The following EML6 variants were observed in gnomAD, a reference collection of about 807,000 sequenced individuals.
EML6 encodes the protein EMAP like 6, also known as echinoderm microtubule-associated protein-like 6.
EML6 carries 154 observed loss-of-function variants against 240.1 expected under a neutral mutation model. The ratio of observed to expected loss-of-function variants is 0.64; its 90% CI spans 0.56 to 0.73. EML6 has a LOEUF of 0.73. Ranked by LOEUF, EML6 falls within the 30% of genes least tolerant of loss-of-function variation. EML6 has a pLI of 0.00. For missense variants in EML6, 2,964 were observed against 2,474.6 expected, an observed-to-expected ratio of 1.20 and a Z score of -4.20; for synonymous variants, 1,148 against 899.0, an observed-to-expected ratio of 1.28 and a Z score of -4.95.
intron 25 of EML6, among the ~76,000 whole-genome samples, chr2:54,914,027 A>G (rs1673776719): frequency 6.6e-6 from 1 of 152,146 alleles, no homozygotes; most frequent in South Asian, 2.1e-4. Context: ...TTTTTATACC[A>G]GTACCAGTCT....
intron 21 of EML6, 48 bp from the exon 22 acceptor site, chr2:54,899,593 C>G (rs6545455): frequency 0.12 from 187,001 of 1,525,352 alleles, 13,759 homozygotes; most frequent in African/African-American, 0.31. Flanking sequence ...GAAGGGCTAG[C>G]CAAACAGCAT....
chr2:54,823,880 C>T (rs1408592340), intron 5 of EML6, among the ~76,000 whole-genome samples: 2 of 148,948 alleles, frequency 1.3e-5, no homozygotes, highest in Non-Finnish European at 3.0e-5. Context: ...CTCTCTCTTT[C>T]TGTCTCTCTC....
At chr2:54,807,272 A>T (rs1487775424) in intron 2 of EML6, among the ~76,000 whole-genome samples, 1 of 152,224 alleles carries the variant, frequency 6.6e-6, no homozygotes, top group African/African-American at 2.4e-5. Context: ...TCCAATATGT[A>T]TATGTTTTAC....
upstream of EML6, chr2:54,723,615 C>T (rs1452638032): frequency 2.6e-5 from 4 of 152,276 alleles, no homozygotes; most frequent in East Asian, 5.8e-4. Flanking sequence ...TGTGGCCCCG[C>T]CCCCGGAGCC....
intron 17 of EML6, among the ~76,000 whole-genome samples, chr2:54,887,831 C>T (rs1417944022): frequency 2.0e-5 from 3 of 152,130 alleles, no homozygotes; most frequent in African/African-American, 7.2e-5. Context: ...TACCTCCTGC[C>T]TCCTCATATG....
chr2:54,949,717 C>T (rs1675876334), intron 29 of EML6, among the ~76,000 whole-genome samples: 1 of 152,172 alleles, frequency 6.6e-6, no homozygotes, highest in African/African-American at 2.4e-5. Context: ...GATTCAAGTT[C>T]ATGGTTTCAA....
intron 18 of EML6, 142 bp from the exon 19 acceptor site, chr2:54,892,312 C>A: frequency 1.6e-6 from 1 of 625,226 alleles, no homozygotes; most frequent in South Asian, 2.0e-5. Context: ...TATTTTTGTT[C>A]ATGATGTTCT....
intron 2 of EML6, among the ~76,000 whole-genome samples, chr2:54,734,731 G>T (rs1316741503): frequency 6.6e-6 from 1 of 152,222 alleles, no homozygotes; most frequent in African/African-American, 2.4e-5. Flanking sequence ...AGAGATACTG[G>T]TGCATACCTG....
At chr2:54,929,662 TA>T (rs1221110409) in intron 28 of EML6, among the ~76,000 whole-genome samples, 1 of 151,516 alleles carries the variant, frequency 6.6e-6, no homozygotes, top group Non-Finnish European at 1.5e-5. Context: ...TTCTTACTAT[TA>T]TGTGGGGTTT....
chr2:54,965,374 G>A (rs1676702806), intron 38 of EML6, among the ~76,000 whole-genome samples: 1 of 152,200 alleles, frequency 6.6e-6, no homozygotes, highest in Non-Finnish European at 1.5e-5. Context: ...TAGACTTTTA[G>A]ATGGACAAAA....
chr2:54,742,971 G>A (rs956717512), intron 2 of EML6, among the ~76,000 whole-genome samples: 10 of 152,248 alleles, frequency 6.6e-5, no homozygotes, highest in East Asian at 1.9e-4. Context: ...AAATTCCTAC[G>A]CATATTTCTG....
intron 2 of EML6, among the ~76,000 whole-genome samples, chr2:54,727,019 G>T (rs58878579): frequency 0.28 from 42,469 of 152,080 alleles, 6,934 homozygotes; most frequent in African/African-American, 0.47. Flanking sequence ...GCTGAAGGTG[G>T]GAAAAGGGTG....
At chr2:54,736,217 A>G (rs2103622346) in intron 2 of EML6, among the ~76,000 whole-genome samples, 2 of 152,378 alleles carry the variant, frequency 1.3e-5, no homozygotes, top group African/African-American at 4.8e-5. Context: ...CATTTAAACA[A>G]GGCAAGAGAA....
Position 54,865,957 on chromosome 2 carries a change from A to G in EML6, c.1933-809A>G, listed in dbSNP as rs1670949295. Reference sequence around the variant, plus strand: ...TCTAAAGTAAATAGTTGGTGAGCTGATGAAAGCATCATGAATTAAGTTGAA... The same window carrying G: ...TCTAAAGTAAATAGTTGGTGAGCTGGTGAAAGCATCATGAATTAAGTTGAA... On this transcript the variant is annotated intron_variant, in intron 13 of 41. Transcript: ENST00000356458. Among the ~76,000 whole-genome samples, 3 of 152,162 alleles carry G rather than the reference A, an allele frequency of 2.0e-5. No homozygotes were observed. In the South Asian group the frequency reaches 6.2e-4, roughly 31 times the overall value.
At chr2:54,968,431 A>G (rs757279504) in intron 40 of EML6, 150 bp downstream of exon 40, 1 of 830,162 alleles carries the variant, frequency 1.2e-6, no homozygotes, top group Non-Finnish European at 1.9e-6. Context: ...CACCTCCTGG[A>G]GGGGCAGTCC....
At chr2:54,968,868 G>A in intron 41 of EML6, 100 bp downstream of exon 41, 1 of 646,344 alleles carries the variant, frequency 1.5e-6, no homozygotes, top group South Asian at 1.8e-5. Context: ...GGGGCATGAG[G>A]AGGGCTGATG....
chr2:54,764,450 T>C (rs73934847), intron 2 of EML6, among the ~76,000 whole-genome samples: 3,829 of 152,192 alleles, frequency 0.025, 165 homozygotes, highest in African/African-American at 0.087. Flanking sequence ...CTATTGCTCG[T>C]GAAACCTGGG....
chr2:54,838,508 A>G (rs939234627), intron 7 of EML6, among the ~76,000 whole-genome samples: 3 of 152,234 alleles, frequency 2.0e-5, no homozygotes, highest in Admixed American at 6.5e-5. Flanking sequence ...ACTGTTCAAA[A>G]TAAACTAGTG....
intron 2 of EML6, among the ~76,000 whole-genome samples, chr2:54,779,080 C>G (rs1188134348): frequency 6.6e-6 from 1 of 152,020 alleles, no homozygotes; most frequent in Non-Finnish European, 1.5e-5. Flanking sequence ...TTAATGAAAT[C>G]CAAGATGGTA....
Sources: gnomAD v4.1 joint callset for allele counts (sites outside exome capture counted in the v4.1 genomes callset) on GRCh38, gnomAD v4.1.1 for gene constraint, MANE v1.5 for transcripts, NCBI Gene and HGNC (gene_info 2026-07-23, HGNC 2026-07-21) for gene names.